The following LCLAT1 variants were observed in gnomAD, a reference collection of about 807,000 sequenced individuals.
LCLAT1 encodes the protein lysocardiolipin acyltransferase 1.
In LCLAT1, 11 loss-of-function variants were observed where a neutral mutation model predicts 30.7. That is an observed-to-expected ratio of 0.36 (90% CI 0.23 to 0.59). LCLAT1 has a LOEUF of 0.59. Ranked by LOEUF, LCLAT1 falls within the 20% of genes least tolerant of loss-of-function variation. The pLI is 0.77. For missense variants in LCLAT1, 402 were observed against 458.6 expected (o/e 0.88, Z 1.13); for synonymous variants, 155 against 151.3 (o/e 1.02, Z -0.18).
rs564622138 is a variant in LCLAT1, at chr2:30,640,741, T to C, written c.*122T>C. The C allele has an allele frequency of 8.1e-7, 1 of 1,238,636 alleles. No individual in the cohort carries two copies. Among genetic ancestry groups the C allele is most frequent in the South Asian group, 1.6e-5 (1 of 63,058 alleles). 76.7% of individuals were successfully genotyped at this position (1,238,636 alleles called of 1,614,324 possible). ...ATTTCTTACTGCCATCATTATTTGT[T>C]AAAGATATTTTGCACTTAATTTTGT... On this transcript the variant is annotated 3_prime_UTR_variant, in exon 6 of 6. Transcript: ENST00000379509.
At chr2:30,471,351 A>G (rs1181318697) in intron 1 of LCLAT1, among the ~76,000 whole-genome samples, 1 of 152,112 alleles carries the variant, frequency 6.6e-6, no homozygotes, top group African/African-American at 2.4e-5. Context: ...CTGGAACTAC[A>G]GGTGTGTGCC....
intron 1 of LCLAT1, among the ~76,000 whole-genome samples, chr2:30,448,075 T>G (rs982721800): frequency 1.3e-5 from 2 of 152,240 alleles, no homozygotes; most frequent in Non-Finnish European, 2.9e-5. Flanking sequence ...ATGTTTTGCT[T>G]TCTTGTACTT....
At chr2:30,613,525 G>A (rs1324984199) in intron 5 of LCLAT1, among the ~76,000 whole-genome samples, 7 of 151,016 alleles carry the variant, frequency 4.6e-5, no homozygotes, top group Admixed American at 1.3e-4. Context: ...AAGGTGGGAC[G>A]AGAGATTTGG....
At position 30,640,908 on chromosome 2, in the gene LCLAT1, A is replaced by C; in HGVS notation, c.*289A>C. ...AGGCTTTTAGCGACAAGGAACACAC[A>C]CATTTTTCTTAAAGGCCCAATCCTA... On this transcript the variant is annotated 3_prime_UTR_variant, in exon 6 of 6. Coordinates refer to ENST00000379509, the MANE Select transcript of LCLAT1 (RefSeq NM_001002257.3). 1 of 314,274 alleles carries C rather than the reference A, an allele frequency of 3.2e-6. No homozygotes were observed. Among genetic ancestry groups the C allele is most frequent in the Non-Finnish European group, 5.9e-6 (1 of 169,096 alleles). 19.5% of individuals were successfully genotyped at this position (314,274 alleles called of 1,614,324 possible).
Position 30,617,255 on chromosome 2 carries a change from TTTC to T in LCLAT1, c.629-22860_629-22858del, listed in dbSNP as rs1668037367. Among the ~76,000 whole-genome samples the T allele has an allele frequency of 2.0e-5, 3 of 152,276 alleles. No homozygotes were observed. In the South Asian group the frequency reaches 6.2e-4, roughly 32 times the overall value. ...GCTTTCTGTCACCATAGTTTTGCCTTTTCTAGATTTTCATATAAATGGAATTAT... is the reference window on the plus strand; with the variant it reads ...GCTTTCTGTCACCATAGTTTTGCCTTTAGATTTTCATATAAATGGAATTAT... On this transcript the variant is annotated intron_variant, in intron 5 of 5. Coordinates refer to ENST00000379509, the MANE Select transcript of LCLAT1 (RefSeq NM_001002257.3).
intron 5 of LCLAT1, among the ~76,000 whole-genome samples, chr2:30,590,947 A>C (rs1666667095): frequency 6.6e-6 from 1 of 152,170 alleles, no homozygotes; most frequent in African/African-American, 2.4e-5. Context: ...TGATGTCCTA[A>C]ATGTTCCCTC....
intron 5 of LCLAT1, among the ~76,000 whole-genome samples, chr2:30,626,904 G>C (rs954010821): frequency 4.6e-5 from 7 of 151,938 alleles, no homozygotes; most frequent in Non-Finnish European, 7.4e-5. Context: ...TTAAAAAGAG[G>C]AATATTTTAT....
At chr2:30,559,886 G>T (rs1443808227) in intron 3 of LCLAT1, among the ~76,000 whole-genome samples, 1 of 152,160 alleles carries the variant, frequency 6.6e-6, no homozygotes, top group Non-Finnish European at 1.5e-5. Context: ...ATTGTAACTT[G>T]TTAATTAATA....
At chr2:30,606,202 C>A (rs1210293526) in intron 5 of LCLAT1, 11 of 325,620 alleles carry the variant, frequency 3.4e-5, no homozygotes. Context: ...TCCCATTAAA[C>A]TGCCGTTGAC....
chr2:30,452,995 C>G (rs1004663336), intron 1 of LCLAT1, among the ~76,000 whole-genome samples: 4 of 152,090 alleles, frequency 2.6e-5, no homozygotes, highest in Non-Finnish European at 4.4e-5. Flanking sequence ...TTGTCTGCAG[C>G]TTTTCGCAGT....
intron 1 of LCLAT1, among the ~76,000 whole-genome samples, chr2:30,494,134 G>A (rs1683979513): frequency 6.6e-6 from 1 of 152,150 alleles, no homozygotes; most frequent in South Asian, 2.1e-4. Context: ...GAGGCAGGAG[G>A]ATCACTTGAC....
In LCLAT1 at chr2:30,557,478, A is replaced by G. The variant is rs11883546; in HGVS notation, c.365-4668A>G. On this transcript the variant is annotated intron_variant, in intron 3 of 5. Coordinates refer to ENST00000379509, the MANE Select transcript of LCLAT1 (RefSeq NM_001002257.3). ...CGCCCAGCCTGGAGTGCAATGGCAC[A>G]ATCTTGGCTCACTGCAACCTCTGCC... Among the ~76,000 whole-genome samples the G allele has an allele frequency of 9.7e-3, 1,472 of 151,924 alleles. 8 individuals are homozygous for G. Among genetic ancestry groups the G allele is most frequent in the Middle Eastern group, 0.051 (15 of 294 alleles).
chr2:30,618,200 T>G (rs1228719379), intron 5 of LCLAT1, among the ~76,000 whole-genome samples: 1 of 152,168 alleles, frequency 6.6e-6, no homozygotes, highest in Non-Finnish European at 1.5e-5. Context: ...GAGCAGCTAA[T>G]GCCAAGCCTC....
chr2:30,523,641 G>A (rs937713091), intron 1 of LCLAT1, among the ~76,000 whole-genome samples: 4 of 152,174 alleles, frequency 2.6e-5, no homozygotes, highest in African/African-American at 9.7e-5. Flanking sequence ...AGGCTGAGGC[G>A]AGCAGATCAT....
At chr2:30,524,927 T>C (rs1400354230) in intron 1 of LCLAT1, among the ~76,000 whole-genome samples, 1 of 152,138 alleles carries the variant, frequency 6.6e-6, no homozygotes, top group African/African-American at 2.4e-5. Context: ...CTTAGGAAAC[T>C]CATCTGTAGT....
chr2:30,477,585 C>T (rs1489508423), intron 1 of LCLAT1, among the ~76,000 whole-genome samples: 1 of 152,180 alleles, frequency 6.6e-6, no homozygotes, highest in East Asian at 1.9e-4. Context: ...CTGAGCACCC[C>T]TTAGGCTTCA....
In LCLAT1 at chr2:30,533,193, T is replaced by C. The variant is rs1326291330; in HGVS notation, c.243T>C (p.Ile81=). ...DAFVPGERSV[I]IMNHRTRMDW... Reference sequence around the variant, plus strand: ...TTGTTCCTGGAGAAAGAAGTGTCATTATCATGAACCATCGGACAAGAATGG... The same window carrying C: ...TTGTTCCTGGAGAAAGAAGTGTCATCATCATGAACCATCGGACAAGAATGG... The change falls in exon 3 of 6, where the codon ATT becomes ATC. Residue 81 remains isoleucine (I), a synonymous_variant. Coordinates refer to ENST00000379509, the MANE Select transcript of LCLAT1 (RefSeq NM_001002257.3). The C allele has an allele frequency of 1.2e-6, 2 of 1,614,028 alleles. No individual in the cohort carries two copies. The highest frequency in any genetic ancestry group is 1.7e-5 in the Admixed American group (1 of 60,018).
chr2:30,584,689 T>A (rs1340304825), intron 5 of LCLAT1, among the ~76,000 whole-genome samples: 1 of 152,234 alleles, frequency 6.6e-6, no homozygotes, highest in Non-Finnish European at 1.5e-5. Context: ...CAAAAAATGT[T>A]CTATGATGGC....
chr2:30,463,898 T>A (rs1572477667), intron 1 of LCLAT1, among the ~76,000 whole-genome samples: 1 of 152,254 alleles, frequency 6.6e-6, no homozygotes, highest in East Asian at 1.9e-4. Context: ...TTTATACTAT[T>A]TCTAATTTTC....
Sources: gnomAD v4.1 joint callset for allele counts (sites outside exome capture counted in the v4.1 genomes callset) on GRCh38, gnomAD v4.1.1 for gene constraint, MANE v1.5 for transcripts, NCBI Gene and HGNC (gene_info 2026-07-23, HGNC 2026-07-21) for gene names.